BRCA2: variants seen among roughly 807,000 people sequenced by gnomAD.
The protein encoded by BRCA2 is BRCA2 DNA repair associated.
BRCA2 carries 203 observed loss-of-function variants against 276.7 expected under a neutral mutation model. The ratio of observed to expected loss-of-function variants is 0.73; its 90% CI spans 0.65 to 0.82. The LOEUF is 0.82. BRCA2 is among the 40% of genes least tolerant of loss of function. The probability of loss-of-function intolerance (pLI) is 0.00; values close to 1 mark genes in which losing one functional copy is unlikely to be tolerated. For synonymous variants in BRCA2, 1,289 were observed against 1,338.4 expected, an observed-to-expected ratio of 0.96 and a Z score of 0.81; for missense variants, 3,920 against 3,915.0, an observed-to-expected ratio of 1.00 and a Z score of -0.03.
rs2137499291 is a variant in BRCA2, at chr13:32,338,071, A to T, written c.3716A>T (p.Lys1239Ile). Residue 1239 changes from lysine (K) to isoleucine (I), a missense_variant, in exon 11 of 27, where the codon AAA becomes ATA. Physicochemically the swap from Lys to Ile is moderately radical, Grantham distance 102. Transcript: ENST00000380152. Reference protein sequence around the residue: ...VSTEALQKAVKLFSDIENISE... With the variant: ...VSTEALQKAVILFSDIENISE... ...ACTGAAGCTCTGCAAAAAGCTGTGA[A>T]ACTGTTTAGTGATATTGAGAATATT... is the stretch of plus-strand genomic sequence containing the variant. The T allele has an allele frequency of 6.2e-7, 1 of 1,611,704 alleles. No individual in the cohort carries two copies. Among genetic ancestry groups the T allele is most frequent in the Non-Finnish European group, 8.5e-7 (1 of 1,178,984 alleles).
chr13:32,338,690 A>T lies in BRCA2; in HGVS notation c.4335A>T (p.Lys1445Asn). The change falls in exon 11 of 27, where the codon AAA becomes AAT. Residue 1445 changes from lysine to asparagine, a missense_variant. By Grantham distance (94) the Lys-to-Asn change is moderately conservative (BLOSUM62 0). This residue lies in a region of BRCA2 where 3,263 missense variants were observed against 3,156.9 expected (regional missense o/e 1.03). Coordinates refer to ENST00000380152, the MANE Select transcript of BRCA2 (RefSeq NM_000059.4). ...NISVAKESFN[K>N]IVNFFDQKPE... is the part of the protein sequence containing the mutation. ...GTGTCGCCAAAGAGTCATTTAATAA[A>T]ATTGTAAATTTCTTTGATCAGAAAC... 1 of 1,591,948 alleles carries T rather than the reference A, an allele frequency of 6.3e-7. No individual in the cohort carries two copies. The highest frequency in any genetic ancestry group is 2.3e-5 in the East Asian group (1 of 44,432).
chr13:32,333,843 C>T (rs1249737404), intron 10 of BRCA2, among the ~76,000 whole-genome samples: 2 of 152,198 alleles, frequency 1.3e-5, no homozygotes, highest in East Asian at 3.8e-4. Context: ...CATTGTTCAG[C>T]TCCCACTTAT....
chr13:32,319,635 A>C (rs2072292921), intron 3 of BRCA2, among the ~76,000 whole-genome samples: 1 of 150,426 alleles, frequency 6.6e-6, no homozygotes, highest in South Asian at 2.1e-4. Context: ...TGTTAATTAA[A>C]CTAAACTATA....
intron 16 of BRCA2, among the ~76,000 whole-genome samples, chr13:32,358,442 C>T (rs996461308): frequency 1.3e-5 from 2 of 148,216 alleles, no homozygotes; most frequent in African/African-American, 2.5e-5. Flanking sequence ...AGCCACTGCA[C>T]TCCAGGCTGG....
At chr13:32,395,667 G>A (rs1337433550) in intron 25 of BRCA2, among the ~76,000 whole-genome samples, 1 of 152,120 alleles carries the variant, frequency 6.6e-6, no homozygotes, top group East Asian at 1.9e-4. Context: ...TAAAATTTGA[G>A]ATTTCATGAG....
intron 7 of BRCA2, among the ~76,000 whole-genome samples, chr13:32,326,932 A>G (rs752566657): frequency 1.3e-5 from 2 of 152,180 alleles, no homozygotes; most frequent in Non-Finnish European, 2.9e-5. Context: ...CTTTTTACAA[A>G]TGATTGTGGT....
intron 13 of BRCA2, among the ~76,000 whole-genome samples, chr13:32,354,609 T>TAGAGGGGACACACTG (rs879191175): frequency 6.6e-6 from 1 of 152,030 alleles, no homozygotes; most frequent in Admixed American, 6.6e-5. Flanking sequence ...ATGATGGAAT[T>TAGAGGGGACACACTG]AGAGGGGACA....
chr13:32,369,912 A>G (rs1416482303), intron 18 of BRCA2, among the ~76,000 whole-genome samples: 1 of 152,214 alleles, frequency 6.6e-6, no homozygotes, highest in African/African-American at 2.4e-5. Context: ...GCTTAACACC[A>G]TGCCAGGTAC....
At position 32,337,419 on chromosome 13, in the gene BRCA2, C is replaced by A. The variant is rs765882871; in HGVS notation, c.3064C>A (p.His1022Asn). 1.2e-6 allele frequency: 2 copies of A among 1,613,130 alleles called. No homozygotes were observed. The highest frequency in any genetic ancestry group is 1.7e-6 in the Non-Finnish European group (2 of 1,179,400). Residue 1022 changes from histidine to asparagine, a missense_variant, in exon 11 of 27, where the codon CAT (histidine) becomes AAT (asparagine). By Grantham distance (68) the His-to-Asn change is moderately conservative. This residue lies in a region of BRCA2 where 3,263 missense variants were observed against 3,156.9 expected (regional missense o/e 1.03). Coordinates refer to ENST00000380152, the MANE Select transcript of BRCA2 (RefSeq NM_000059.4). ...ASNKEIKLSE[H>N]NIKKSKMFFK... Reference sequence around the variant, plus strand: ...AAATAAGGAAATCAAGCTCTCTGAACATAACATTAAGAAGAGCAAAATGTT... The same window carrying A: ...AAATAAGGAAATCAAGCTCTCTGAAAATAACATTAAGAAGAGCAAAATGTT...
rs1448163811 is a variant in BRCA2 at position 32,329,155 on chromosome 13, C to T, written c.632-288C>T. Among the ~76,000 whole-genome samples the T allele has an allele frequency of 2.6e-5, 4 of 152,116 alleles. No homozygotes were observed. The East Asian group carries it at 7.7e-4, about 29-fold the overall frequency. ...CAAGCTTTAGCTTTTAAGTCATAAC[C>T]TCACAGCATCATCTGACTTTCCAAC... On this transcript the variant is annotated intron_variant, in intron 7 of 26. Coordinates refer to ENST00000380152, the MANE Select transcript of BRCA2 (RefSeq NM_000059.4).
chr13:32,396,785 T>G, intron 25 of BRCA2, 113 bp from the exon 26 acceptor site: 1 of 1,359,502 alleles, frequency 7.4e-7, no homozygotes, highest in Non-Finnish European at 1.0e-6. Context: ...TTTAGGGTTT[T>G]TCATTCTTTT....
intron 14 of BRCA2, among the ~76,000 whole-genome samples, chr13:32,355,619 T>C (rs1380709714): frequency 6.6e-6 from 1 of 152,144 alleles, no homozygotes; most frequent in Non-Finnish European, 1.5e-5. Context: ...CCCAGAACTT[T>C]GGGAGACTAA....
At chr13:32,375,821 A>C (rs1421862645) in intron 20 of BRCA2, among the ~76,000 whole-genome samples, 2 of 151,736 alleles carry the variant, frequency 1.3e-5, no homozygotes, top group South Asian at 4.1e-4. Flanking sequence ...CGGCCTCCCA[A>C]AGTGCTGGGA....
intron 2 of BRCA2, 91 bp from the exon 3 acceptor site, chr13:32,318,986 A>C: frequency 6.6e-7 from 1 of 1,510,066 alleles, no homozygotes; most frequent in Non-Finnish European, 9.0e-7. Flanking sequence ...CAAGATCTTA[A>C]GCATTTTTTT....
intron 12 of BRCA2, 67 bp downstream of exon 12, chr13:32,344,720 A>G (rs2137537782): frequency 1.7e-6 from 2 of 1,156,290 alleles, no homozygotes; most frequent in South Asian, 2.6e-5. Flanking sequence ...TTCTGACCTC[A>G]GGTGATCCAC....
chr13:32,398,655 G>C lies in BRCA2; in HGVS notation c.10142G>C (p.Arg3381Thr), dbSNP rs2073056249. Residue 3381 changes from arginine (R) to threonine (T), a missense_variant, in exon 27 of 27, where the codon AGA (arginine) becomes ACA (threonine). Physicochemically the swap from Arg to Thr is moderately conservative, Grantham distance 71 (BLOSUM62 -1). Transcript: ENST00000380152. Reference sequence around the variant, plus strand: ...CCCACCAGTTCAGAAGATTATCTCAGACTGAAACGACGTTGTACTACATCT... The same window carrying C: ...CCCACCAGTTCAGAAGATTATCTCACACTGAAACGACGTTGTACTACATCT... ...TAPTSSEDYL[R>T]LKRRCTTSLI... 1 of 1,614,164 alleles carries C rather than the reference G, an allele frequency of 6.2e-7. No homozygotes were observed. Among genetic ancestry groups the C allele is most frequent in the Admixed American group, 1.7e-5 (1 of 60,024 alleles).
chr13:32,325,285 A>G, intron 4 of BRCA2, 101 bp downstream of exon 4: 1 of 898,128 alleles, frequency 1.1e-6, no homozygotes, highest in Non-Finnish European at 1.7e-6. Context: ...TATTTTGGCT[A>G]AGAGCCTGGT....
At position 32,340,967 on chromosome 13, in the gene BRCA2, T is replaced by C. The variant is rs2072560682; in HGVS notation, c.6612T>C (p.Pro2204=). Reference sequence around the variant, plus strand: ...AAACTGAAACTTTTTCTGATGTTCCTGTGAAAACAAATATAGAAGTTTGTT... The same window carrying C: ...AAACTGAAACTTTTTCTGATGTTCCCGTGAAAACAAATATAGAAGTTTGTT... ...IGKTETFSDV[P]VKTNIEVCST... is the part of the protein sequence containing the mutation. Residue 2204 remains proline, a synonymous_variant, in exon 11 of 27, where the codon CCT becomes CCC. Transcript: ENST00000380152. The C allele has an allele frequency of 6.2e-7, 1 of 1,609,336 alleles. No homozygotes were observed. The highest frequency in any genetic ancestry group is 8.5e-7 in the Non-Finnish European group (1 of 1,178,822).
At chr13:32,377,942 A>T (rs11571763) in intron 21 of BRCA2, among the ~76,000 whole-genome samples, 111 of 152,238 alleles carry the variant, frequency 7.3e-4, no homozygotes, top group Non-Finnish European at 1.4e-3. Context: ...GCAGTGCTAT[A>T]CTGAGTAGAA....
Sources: gnomAD v4.1 joint callset for allele counts (sites outside exome capture counted in the v4.1 genomes callset) on GRCh38, gnomAD v4.1.1 for gene constraint, gnomAD v4.1.1 regional missense constraint, MANE v1.5 for transcripts, NCBI Gene and HGNC (gene_info 2026-07-23, HGNC 2026-07-21) for gene names.